Variants in AAK1 observed in about 807,000 individuals in gnomAD.
The protein encoded by AAK1 is AP2 associated kinase 1.
Under a neutral mutation model 116.0 loss-of-function variants are expected in AAK1, and 37 were observed. The ratio of observed to expected loss-of-function variants is 0.32; its 90% CI spans 0.25 to 0.42. The LOEUF (loss-of-function observed/expected upper bound fraction) is 0.42, where lower values mean the gene tolerates loss of function less well. AAK1 is among the 10% of genes least tolerant of loss of function. The probability of loss-of-function intolerance (pLI) is 1.00; values close to 1 mark genes in which losing one functional copy is unlikely to be tolerated. For missense variants in AAK1, 919 were observed against 1,170.6 expected, an observed-to-expected ratio of 0.79 and a Z score of 3.14; for synonymous variants, 458 against 439.9, an observed-to-expected ratio of 1.04 and a Z score of -0.51.
rs1407676726 is a variant in AAK1, at chr2:69,466,436, C to T, written c.*9433G>A. ...AGTCAGATTCTAAGTTGTTCTGAGT[C>T]TTTGTGCCAGGTACTCTGGAGGGGT... On this transcript the variant is annotated 3_prime_UTR_variant, in exon 22 of 22. Transcript: ENST00000409085. 7.8e-7 allele frequency: 1 copy of T among 1,289,614 alleles called. No individual in the cohort carries two copies. Among genetic ancestry groups the T allele is most frequent in the Admixed American group, 2.3e-5 (1 of 43,550 alleles). The allele number at this position is 1,289,614 out of a possible 1,614,324, so 79.9% of individuals were successfully genotyped here.
chr2:69,493,052 G>C (rs1311721358), intron 17 of AAK1, among the ~76,000 whole-genome samples: 3 of 150,968 alleles, frequency 2.0e-5, no homozygotes. Context: ...AAAGGATGCA[G>C]TAAGGCTGAG....
chr2:69,569,229 T>A (rs1019123261), intron 2 of AAK1, among the ~76,000 whole-genome samples: 1 of 152,190 alleles, frequency 6.6e-6, no homozygotes, highest in Non-Finnish European at 1.5e-5. Flanking sequence ...CCCATTTTAT[T>A]ATGAAAAATT....
intron 2 of AAK1, among the ~76,000 whole-genome samples, chr2:69,570,195 C>T (rs1425206232): frequency 2.6e-5 from 4 of 152,072 alleles, no homozygotes; most frequent in Middle Eastern, 3.2e-3. Flanking sequence ...CTGCTCCTCC[C>T]AACCCAACAA....
chr2:69,499,920 A>C (rs1675905320), intron 16 of AAK1: 5 of 152,184 alleles, frequency 3.3e-5, no homozygotes, highest in Admixed American at 3.3e-4. Context: ...ATTTCTCCAC[A>C]TTTTTATAAA....
chr2:69,568,491 T>C (rs372399889), intron 2 of AAK1, among the ~76,000 whole-genome samples: 1 of 149,450 alleles, frequency 6.7e-6, no homozygotes, highest in South Asian at 2.1e-4. Context: ...AGTGCAGTGG[T>C]GCAATCATGG....
chr2:69,609,628 C>T (rs1339435562), intron 2 of AAK1, among the ~76,000 whole-genome samples: 1 of 152,112 alleles, frequency 6.6e-6, no homozygotes, highest in Non-Finnish European at 1.5e-5. Context: ...TGTGCCATTG[C>T]ACCCCAGCCT....
intron 2 of AAK1, among the ~76,000 whole-genome samples, chr2:69,630,334 G>A (rs970287287): frequency 4.4e-5 from 5 of 113,520 alleles, no homozygotes; most frequent in South Asian, 3.8e-4. Flanking sequence ...TGAGTGGGGC[G>A]GGGGGTGGGG....
In AAK1 at chr2:69,465,491, C is replaced by T. The variant is rs543257462; in HGVS notation, c.*10378G>A. ...CAAATGGATCAGCAGCTGGCAGCTCCGTAGTCCTGGAGGAAAGGGATGTGA... is the reference window on the plus strand; with the variant it reads ...CAAATGGATCAGCAGCTGGCAGCTCTGTAGTCCTGGAGGAAAGGGATGTGA... On this transcript the variant is annotated 3_prime_UTR_variant, in exon 22 of 22. Transcript: ENST00000409085. The T allele has an allele frequency of 2.9e-5, 38 of 1,290,858 alleles. No individual in the cohort carries two copies. Among genetic ancestry groups the T allele is most frequent in the Middle Eastern group, 2.1e-4 (1 of 4,694 alleles). The allele number at this position is 1,290,858 out of a possible 1,614,324, so 80.0% of individuals were successfully genotyped here.
At chr2:69,610,906 T>G (rs916106005) in intron 2 of AAK1, among the ~76,000 whole-genome samples, 5 of 152,232 alleles carry the variant, frequency 3.3e-5, no homozygotes, top group African/African-American at 1.2e-4. Context: ...ATTGGAACTC[T>G]TATGGATTGC....
chr2:69,601,959 G>A (rs1357500140), intron 2 of AAK1, among the ~76,000 whole-genome samples: 2 of 152,224 alleles, frequency 1.3e-5, no homozygotes, highest in African/African-American at 4.8e-5. Context: ...TTGGTTATCA[G>A]TGATGGGACA....
At chr2:69,557,318 T>C (rs1209524900) in intron 2 of AAK1, among the ~76,000 whole-genome samples, 1 of 151,206 alleles carries the variant, frequency 6.6e-6, no homozygotes, top group Non-Finnish European at 1.5e-5. Flanking sequence ...TTTTTTTTTT[T>C]TGAGACAGGG....
chr2:69,597,721 T>A lies in AAK1; in HGVS notation c.164-40743A>T, dbSNP rs1040101463. On this transcript the variant is annotated intron_variant, in intron 2 of 21. Coordinates refer to ENST00000409085, the MANE Select transcript of AAK1 (RefSeq NM_014911.5). ...TCCATCTCTACCAAAAAAAAAAAAA[T>A]TTTTTTTTTAAACAGCCAGGCATGG... The A allele has an allele frequency of 8.7e-5, 13 of 148,656 alleles. No individual in the cohort carries two copies. In the South Asian group the frequency reaches 1.5e-3, roughly 17 times the overall value. 9.2% of individuals were successfully genotyped at this position (148,656 alleles called of 1,614,324 possible).
intron 2 of AAK1, among the ~76,000 whole-genome samples, chr2:69,561,121 C>T (rs1671616417): frequency 6.6e-6 from 1 of 152,150 alleles, no homozygotes; most frequent in Non-Finnish European, 1.5e-5. Flanking sequence ...GTTCAGGTCA[C>T]CATAGCACAG....
At chr2:69,614,303 GA>G (rs1327449003) in intron 2 of AAK1, among the ~76,000 whole-genome samples, 1 of 152,154 alleles carries the variant, frequency 6.6e-6, no homozygotes, top group Non-Finnish European at 1.5e-5. Context: ...AAGGGAAGAG[GA>G]AAGGCTCATT....
At chr2:69,602,589 T>A (rs73934505) in intron 2 of AAK1, among the ~76,000 whole-genome samples, 1,984 of 152,280 alleles carry the variant, frequency 0.013, 39 homozygotes, top group African/African-American at 0.044. Context: ...TAACTGAAAT[T>A]ATTTCAAAAT....
chr2:69,627,196 G>C (rs1185262808), intron 2 of AAK1, among the ~76,000 whole-genome samples: 1 of 151,898 alleles, frequency 6.6e-6, no homozygotes, highest in African/African-American at 2.4e-5. Context: ...GGCTGAGGCA[G>C]GAGAATCGCT....
chr2:69,507,201 C>A lies in AAK1; in HGVS notation c.2164+220G>T, dbSNP rs1281325430. Among the ~76,000 whole-genome samples, 3 of 152,180 alleles carry A rather than the reference C, an allele frequency of 2.0e-5. No homozygotes were observed. In the East Asian group the frequency reaches 5.8e-4, roughly 29 times the overall value. The stretch of plus-strand genomic sequence containing the variant: ...ATCACACTCTCCTTGCTACCACCCA[C>A]AATAGATCAGGATTTCCTGAAGATG... On this transcript the variant is annotated intron_variant, in intron 15 of 21. Transcript: ENST00000409085.
intron 2 of AAK1, among the ~76,000 whole-genome samples, chr2:69,589,633 C>CG (rs1672941537): frequency 6.8e-6 from 1 of 147,938 alleles, no homozygotes; most frequent in South Asian, 2.2e-4. Flanking sequence ...CTCTTGAACC[C>CG]GGGAGGCGGA....
rs749657905 is a variant in AAK1 at position 69,530,706 on chromosome 2, T to C, written c.657A>G (p.Lys219=). The change falls in exon 7 of 22, where the codon AAA becomes AAG. Residue 219 remains lysine (K), a splice_region_variant and synonymous_variant. Transcript: ENST00000409085. ...GTGCTCGATAGGACAGCGTTGTGTA[T>C]CTACAATCAAGAGATTCATTTTTTA... The part of the protein sequence containing the change: ...GVNAVEDEIK[K]YTTLSYRAPE... The C allele has an allele frequency of 4.3e-6, 7 of 1,609,996 alleles. No individual in the cohort carries two copies. Among genetic ancestry groups the C allele is most frequent in the South Asian group, 2.2e-5 (2 of 90,858 alleles).
Sources: gnomAD v4.1 joint callset for allele counts (sites outside exome capture counted in the v4.1 genomes callset) on GRCh38, gnomAD v4.1.1 for gene constraint, MANE v1.5 for transcripts, NCBI Gene and HGNC (gene_info 2026-07-23, HGNC 2026-07-21) for gene names.